PARPBP: variants seen among roughly 807,000 people sequenced by gnomAD.
The protein encoded by PARPBP is PARP1 binding protein.
Under a neutral mutation model 50.0 loss-of-function variants are expected in PARPBP, and 52 were observed. That is an observed-to-expected ratio of 1.04 (90% CI 0.83 to 1.31). PARPBP has a LOEUF of 1.31. Ranked by LOEUF, PARPBP falls within the 50% of genes most tolerant of loss-of-function variation. PARPBP has a pLI of 0.00. For synonymous variants in PARPBP, 244 were observed against 232.1 expected (o/e 1.05, Z -0.47); for missense variants, 697 against 672.0 (o/e 1.04, Z -0.41).
chr12:102,195,741 T>C lies in PARPBP; in HGVS notation c.1400-210T>C, dbSNP rs575771743. Among the ~76,000 whole-genome samples, 25 of 151,884 alleles carry C rather than the reference T, an allele frequency of 1.6e-4. No individual in the cohort carries two copies. The East Asian group carries it at 4.8e-3, about 29-fold the overall frequency. On this transcript the variant is annotated intron_variant, in intron 10 of 10. Transcript: ENST00000327680. ...TTAATAGGGCTGACAAGTTGATTAC[T>C]GGCCAAAGCTAACTCAGAGGTGCTA... is the stretch of plus-strand genomic sequence containing the variant.
chr12:102,196,941 T>C lies in PARPBP; in HGVS notation c.*650T>C. 3 of 1,517,804 alleles carry C rather than the reference T, an allele frequency of 2.0e-6. No homozygotes were observed. Among genetic ancestry groups the C allele is most frequent in the Non-Finnish European group, 2.7e-6 (3 of 1,094,604 alleles). The allele number at this position is 1,517,804 out of a possible 1,614,324, so 94.0% of individuals were successfully genotyped here. A position where few individuals can be genotyped will look rare whatever the true frequency, so the allele number is the denominator to read the frequency against. ...AGAGTTCTGTTTAATGGTGGTAGGATGTAAGAATTGAATTTTGAAAAGACT... is the reference window on the plus strand; with the variant it reads ...AGAGTTCTGTTTAATGGTGGTAGGACGTAAGAATTGAATTTTGAAAAGACT... On this transcript the variant is annotated 3_prime_UTR_variant, in exon 11 of 11. Coordinates refer to ENST00000327680, the MANE Select transcript of PARPBP (RefSeq NM_017915.5).
At position 102,148,311 on chromosome 12, in the gene PARPBP, G is replaced by A. The variant is rs1885699270; in HGVS notation, c.235G>A (p.Val79Ile). 6.2e-7 allele frequency: 1 copy of A among 1,606,698 alleles called. No homozygotes were observed. The highest frequency in any genetic ancestry group is 2.2e-5 in the East Asian group (1 of 44,718). Residue 79 changes from valine to isoleucine, a missense_variant, in exon 3 of 11, where the codon GTT becomes ATT. By Grantham distance (29) the Val-to-Ile change is conservative. Transcript: ENST00000327680. ...GCTCCATGAGAAATTGAACTTACCA[G>A]TTGAAAACATGGACGTGACTGACCA... ...YLLHEKLNLP[V>I]ENMDVTDHYE...
At chr12:102,122,333 CT>C (rs1881275334) in intron 1 of PARPBP, among the ~76,000 whole-genome samples, 1 of 152,134 alleles carries the variant, frequency 6.6e-6, no homozygotes, top group Non-Finnish European at 1.5e-5. Flanking sequence ...CTACCTGTAT[CT>C]TTAAGTTGCA....
chr12:102,149,788 C>T (rs971715457), intron 3 of PARPBP, among the ~76,000 whole-genome samples: 10 of 152,132 alleles, frequency 6.6e-5, no homozygotes, highest in East Asian at 3.8e-4. Flanking sequence ...AAAACATATC[C>T]GCACACATGT....
chr12:102,193,153 A>T (rs1263902172), intron 9 of PARPBP, among the ~76,000 whole-genome samples: 1 of 151,832 alleles, frequency 6.6e-6, no homozygotes, highest in Non-Finnish European at 1.5e-5. Context: ...AATTGAGGAA[A>T]TCTAGTTGTA....
intron 4 of PARPBP, among the ~76,000 whole-genome samples, chr12:102,157,497 A>T (rs1487630820): frequency 6.6e-6 from 1 of 151,688 alleles, no homozygotes; most frequent in African/African-American, 2.4e-5. Flanking sequence ...GTATTATTTA[A>T]CTTGTTTCTC....
intron 4 of PARPBP, among the ~76,000 whole-genome samples, chr12:102,163,793 G>A (rs559751177): frequency 2.0e-5 from 3 of 152,110 alleles, no homozygotes; most frequent in Admixed American, 1.3e-4. Context: ...CCACTTTTCT[G>A]TTGACATTCC....
At chr12:102,137,335 C>A (rs1400990348) in intron 2 of PARPBP, among the ~76,000 whole-genome samples, 1 of 151,946 alleles carries the variant, frequency 6.6e-6, no homozygotes, top group Non-Finnish European at 1.5e-5. Flanking sequence ...TTTTGAATAC[C>A]TAGTAGAGTT....
chr12:102,158,564 T>C (rs1254457319), intron 4 of PARPBP, among the ~76,000 whole-genome samples: 2 of 152,222 alleles, frequency 1.3e-5, no homozygotes, highest in African/African-American at 4.8e-5. Flanking sequence ...CCAGACCTGG[T>C]TCCTTTTAGA....
intron 9 of PARPBP, among the ~76,000 whole-genome samples, chr12:102,184,942 T>A (rs1315860370): frequency 6.6e-6 from 1 of 152,194 alleles, no homozygotes; most frequent in African/African-American, 2.4e-5. Context: ...TAATATATGA[T>A]CTACACAGAA....
At chr12:102,188,264 C>CTT (rs781054329) in intron 9 of PARPBP, among the ~76,000 whole-genome samples, 2 of 142,302 alleles carry the variant, frequency 1.4e-5, no homozygotes, top group East Asian at 2.0e-4. Flanking sequence ...CGTGGCTGGT[C>CTT]TTTTTTTTTT....
chr12:102,171,986 G>A (rs1001689992), intron 6 of PARPBP, among the ~76,000 whole-genome samples: 9 of 152,080 alleles, frequency 5.9e-5, no homozygotes, highest in African/African-American at 2.2e-4. Flanking sequence ...CTTGAGTATG[G>A]TATGGAAAAG....
At chr12:102,121,571 T>TTTTAA (rs57945278) in intron 1 of PARPBP, among the ~76,000 whole-genome samples, 1 of 127,288 alleles carries the variant, frequency 7.9e-6, no homozygotes, top group African/African-American at 3.1e-5. Context: ...TTTTTTTTTT[T>TTTTAA]AAGACAGAGT....
Position 102,197,242 on chromosome 12 carries a change from A to AG in PARPBP, c.*951_*952insG. Reference sequence around the variant, plus strand: ...TGGAACTATAATACAATTGTATAATATTCTTGTTGATCAATTCAAAGTTAC... The same window carrying AG: ...TGGAACTATAATACAATTGTATAATAGTTCTTGTTGATCAATTCAAAGTTAC... On this transcript the variant is annotated 3_prime_UTR_variant, in exon 11 of 11. Coordinates refer to ENST00000327680, the MANE Select transcript of PARPBP (RefSeq NM_017915.5). 3 of 1,209,250 alleles carry AG rather than the reference A, an allele frequency of 2.5e-6. No homozygotes were observed. Among genetic ancestry groups the AG allele is most frequent in the Non-Finnish European group, 3.5e-6 (3 of 845,988 alleles). The allele number at this position is 1,209,250 out of a possible 1,614,324, so 74.9% of individuals were successfully genotyped here.
At chr12:102,178,799 T>C in intron 8 of PARPBP, 29 bp downstream of exon 8, 4 of 1,417,036 alleles carry the variant, frequency 2.8e-6, no homozygotes, top group Non-Finnish European at 2.9e-6. Context: ...ATATGTGTTA[T>C]AAATGTTAAC....
At chr12:102,128,134 A>G (rs754016269) in intron 2 of PARPBP, among the ~76,000 whole-genome samples, 3 of 152,184 alleles carry the variant, frequency 2.0e-5, no homozygotes, top group Non-Finnish European at 4.4e-5. Context: ...TCCTCCTAAC[A>G]GAAACTGTAT....
chr12:102,124,698 G>T (rs1473200247), intron 2 of PARPBP, among the ~76,000 whole-genome samples: 2 of 152,238 alleles, frequency 1.3e-5, no homozygotes, highest in African/African-American at 4.8e-5. Context: ...TATGAACTTG[G>T]CAAAGATACT....
At chr12:102,171,184 CTAAAA>C (rs549088235) in intron 6 of PARPBP, among the ~76,000 whole-genome samples, 146 of 151,264 alleles carry the variant, frequency 9.7e-4, no homozygotes, top group Non-Finnish European at 1.8e-3. Flanking sequence ...GGAGTACACT[CTAAAA>C]TAATGATAAA....
At chr12:102,174,455 C>G (rs888142636) in intron 6 of PARPBP, among the ~76,000 whole-genome samples, 4 of 152,202 alleles carry the variant, frequency 2.6e-5, no homozygotes, top group African/African-American at 9.6e-5. Flanking sequence ...TACAACCTGG[C>G]AATAAGGCGA....
Sources: gnomAD v4.1 joint callset for allele counts (sites outside exome capture counted in the v4.1 genomes callset) on GRCh38, gnomAD v4.1.1 for gene constraint, MANE v1.5 for transcripts, NCBI Gene and HGNC (gene_info 2026-07-23, HGNC 2026-07-21) for gene names.